GPAM: variants seen among roughly 807,000 people sequenced by gnomAD.
The protein encoded by GPAM is glycerol-3-phosphate acyltransferase 1, mitochondrial.
A neutral mutation model predicts 105.0 loss-of-function variants in GPAM; 56 were observed. The ratio of observed to expected loss-of-function variants is 0.53; its 90% CI spans 0.43 to 0.67. The LOEUF (loss-of-function observed/expected upper bound fraction) is 0.67. Among genes scored for constraint, GPAM ranks in the 30% least tolerant of loss-of-function variants. The probability of loss-of-function intolerance (pLI) is 0.00; values close to 1 mark genes in which losing one functional copy is unlikely to be tolerated. For synonymous variants in GPAM, 368 were observed against 354.4 expected (o/e 1.04, Z -0.43); for missense variants, 855 against 989.8 (o/e 0.86, Z 1.83).
upstream of GPAM, among the ~76,000 whole-genome samples, chr10:112,186,012 A>G (rs910071848): frequency 2.6e-5 from 4 of 152,154 alleles, no homozygotes; most frequent in East Asian, 1.9e-4. Flanking sequence ...GACCAAAACT[A>G]TAAACTTATA....
rs937365317 is a variant in GPAM at position 112,168,950 on chromosome 10, G to A, written c.797C>T (p.Thr266Ile). Residue 266 changes from threonine to isoleucine, a missense_variant and splice_region_variant, in exon 10 of 22, where the codon ACC becomes ATC. Transcript: ENST00000348367. ...GAAGCCCCCAAGCTTATGGATCAAG[G>A]TACTATAAATTCAGAATACATGAAT... ...GNNLNIPIFS[T>I]LIHKLGGFFI... The A allele has an allele frequency of 6.4e-7, 1 of 1,569,010 alleles. No homozygotes were observed. Among genetic ancestry groups the A allele is most frequent in the Non-Finnish European group, 8.8e-7 (1 of 1,139,244 alleles).
intron 1 of GPAM, among the ~76,000 whole-genome samples, chr10:112,212,304 C>T (rs2133307993): frequency 6.6e-6 from 1 of 152,216 alleles, no homozygotes; most frequent in East Asian, 1.9e-4. Context: ...GCTCTGTCGC[C>T]CAGGCTGGAG....
At chr10:112,208,015 G>A (rs1317469844) in intron 1 of GPAM, among the ~76,000 whole-genome samples, 1 of 152,192 alleles carries the variant, frequency 6.6e-6, no homozygotes, top group Non-Finnish European at 1.5e-5. Context: ...TTGGGATTCG[G>A]CTTGCCTGGT....
chr10:112,168,821 T>C (rs1468903785), intron 10 of GPAM, 32 bp downstream of exon 10: 9 of 1,304,066 alleles, frequency 6.9e-6, no homozygotes, highest in Non-Finnish European at 1.0e-5. Context: ...ACCAACACAA[T>C]GTCCCTAAGG....
At chr10:112,183,953 G>C (rs1308553504), upstream of GPAM, among the ~76,000 whole-genome samples, 1 of 152,218 alleles carries the variant, frequency 6.6e-6, no homozygotes, top group Non-Finnish European at 1.5e-5. Flanking sequence ...TGGTTACCCT[G>C]CCTAGGCCAT....
intron 1 of GPAM, among the ~76,000 whole-genome samples, chr10:112,214,156 G>C (rs1201554334): frequency 6.6e-6 from 1 of 152,150 alleles, no homozygotes; most frequent in Non-Finnish European, 1.5e-5. Flanking sequence ...TAACAAAGCA[G>C]GGACGATCTG....
chr10:112,193,175 G>A (rs1378635753), intron 1 of GPAM, among the ~76,000 whole-genome samples: 6 of 152,096 alleles, frequency 3.9e-5, no homozygotes, highest in Non-Finnish European at 7.4e-5. Flanking sequence ...GAAGGGTGAG[G>A]CCCAGAGATC....
intron 17 of GPAM, among the ~76,000 whole-genome samples, chr10:112,159,645 A>G (rs1290482304): frequency 6.6e-6 from 1 of 152,160 alleles, no homozygotes; most frequent in African/African-American, 2.4e-5. Context: ...CGTGCTCACT[A>G]GCTTTGGATG....
chr10:112,192,507 G>A (rs1171881551), intron 1 of GPAM, among the ~76,000 whole-genome samples: 5 of 152,202 alleles, frequency 3.3e-5, no homozygotes, highest in Non-Finnish European at 5.9e-5. Flanking sequence ...GCTACACTGA[G>A]GCCAGGGTGT....
rs1378972788 is a variant in GPAM at position 112,168,889 on chromosome 10, T to C, written c.858A>G (p.Gly286=). 4 of 1,611,428 alleles carry C rather than the reference T, an allele frequency of 2.5e-6. No individual in the cohort carries two copies. The South Asian group carries it at 4.4e-5, about 18-fold the overall frequency. The change falls in exon 10 of 22, where the codon GGA becomes GGG. Residue 286 remains glycine (G), a synonymous_variant. Transcript: ENST00000348367. ...AAGCTCTATAGAGAACATCTTTCCG[T>C]CCATCTGGTGTTTCATCGAGCCTTC... is the stretch of plus-strand genomic sequence containing the variant. ...IRRRLDETPD[G]RKDVLYRALL... is the part of the protein sequence containing the mutation.
chr10:112,216,801 T>C (rs567470080), upstream of GPAM, among the ~76,000 whole-genome samples: 29 of 151,914 alleles, frequency 1.9e-4, 1 homozygote, highest in South Asian at 5.2e-3. Context: ...TTTTTGTATT[T>C]TTACTAGAGA....
chr10:112,212,853 C>T lies in GPAM; in HGVS notation n.210+2315G>A, dbSNP rs1353957748. Among the ~76,000 whole-genome samples, 11 of 152,212 alleles carry T rather than the reference C, an allele frequency of 7.2e-5. 1 individual carries two copies. Among genetic ancestry groups the T allele is most frequent in the African/African-American group, 2.4e-4 (10 of 41,456 alleles). ...AGCACAGTGCCTGAGATACAGTCAG[C>T]TTCTGGACAATGGTAGCTTCATTAA... On this transcript the variant is annotated intron_variant and non_coding_transcript_variant, in intron 1 of 3. Transcript: ENST00000480130.
At chr10:112,178,700 C>T (rs555977969) in intron 4 of GPAM, among the ~76,000 whole-genome samples, 2 of 152,260 alleles carry the variant, frequency 1.3e-5, no homozygotes, top group East Asian at 3.9e-4. Context: ...TCCCAAAATA[C>T]AAAGACCACG....
In GPAM at chr10:112,166,488, A is replaced by G; in HGVS notation, c.1135T>C (p.Trp379Arg). 1 of 1,609,306 alleles carries G rather than the reference A, an allele frequency of 6.2e-7. No homozygotes were observed. Among genetic ancestry groups the G allele is most frequent in the Non-Finnish European group, 8.5e-7 (1 of 1,175,578 alleles). Residue 379 changes from tryptophan to arginine, a missense_variant, in exon 12 of 22, where the codon TGG becomes CGG. Coordinates refer to ENST00000348367, the MANE Select transcript of GPAM (RefSeq NM_001244949.2). ...LGKPKKNESL[W>R]SVARGVIRML... ...CTAATAACACCTCTTGCTACACTCC[A>G]CAGGCTCTCATTCTTCTTAGGTTTG...
At chr10:112,200,628 G>A (rs1847787074) in intron 1 of GPAM, among the ~76,000 whole-genome samples, 1 of 151,998 alleles carries the variant, frequency 6.6e-6, no homozygotes, top group South Asian at 2.1e-4. Flanking sequence ...AGTGAGCTAA[G>A]TACTTCCAAT....
intron 1 of GPAM, among the ~76,000 whole-genome samples, chr10:112,201,160 G>C (rs1847792484): frequency 6.6e-6 from 1 of 152,166 alleles, no homozygotes; most frequent in African/African-American, 2.4e-5. Context: ...GCTGAATCAG[G>C]GGGCAGTGTG....
At chr10:112,185,792 CA>C (rs200413538), upstream of GPAM, among the ~76,000 whole-genome samples, 2 of 150,112 alleles carry the variant, frequency 1.3e-5, no homozygotes, top group Non-Finnish European at 3.0e-5. Context: ...AACAAACAAA[CA>C]AAAAAAAACT....
the GPAM span, among the ~76,000 whole-genome samples, chr10:112,224,713 A>G: frequency 3.3e-5 from 5 of 152,128 alleles, no homozygotes. Flanking sequence ...AAAATATGCA[A>G]GTACTAAGGA....
chr10:112,192,254 C>T (rs1001352771), intron 1 of GPAM, among the ~76,000 whole-genome samples: 1 of 152,208 alleles, frequency 6.6e-6, no homozygotes, highest in South Asian at 2.1e-4. Context: ...AGGCATCCTG[C>T]TAAGTGCTGA....
Sources: allele counts gnomAD v4.1 joint callset (sites outside exome capture counted in the v4.1 genomes callset), GRCh38; gene constraint gnomAD v4.1.1; transcripts MANE v1.5; gene names NCBI Gene and HGNC (gene_info 2026-07-23, HGNC 2026-07-21).